ZMYM2: variants seen among roughly 807,000 people sequenced by gnomAD.
ZMYM2 encodes zinc finger MYM-type protein 2.
In ZMYM2, 56 loss-of-function variants were observed where a neutral mutation model predicts 162.8. The ratio of observed to expected loss-of-function variants is 0.34; its 90% CI spans 0.28 to 0.43. ZMYM2 has a LOEUF of 0.43. ZMYM2 is among the 20% of genes least tolerant of loss of function. ZMYM2 has a pLI of 1.00. For synonymous variants in ZMYM2, 510 were observed against 541.6 expected, an observed-to-expected ratio of 0.94 and a Z score of 0.81; for missense variants, 1,275 against 1,621.8, an observed-to-expected ratio of 0.79 and a Z score of 3.67.
the ZMYM2 span, among the ~76,000 whole-genome samples, chr13:19,911,044 C>CT: frequency 0.022 from 1,922 of 89,280 alleles, 75 homozygotes; most frequent in African/African-American, 0.048. Context: ...AGTTCCCAGT[C>CT]TTTTTTTTTT....
rs201629773 is a variant in ZMYM2 at position 19,993,227 on chromosome 13, C to T, written c.155C>T (p.Ser52Leu). Residue 52 changes from serine (S) to leucine (L), a missense_variant, in exon 3 of 25, where the codon TCG becomes TTG. Physicochemically the swap from Ser to Leu is moderately radical, Grantham distance 145 (BLOSUM62 -2). Coordinates refer to ENST00000610343, the MANE Select transcript of ZMYM2 (RefSeq NM_197968.4). ...LVSRSNKFQN[S>L]SVEDDDDVVF... The stretch of plus-strand genomic sequence containing the variant: ...TCTAGATCTAATAAGTTTCAGAACT[C>T]GTCAGTGGAAGATGATGATGATGTT... The T allele has an allele frequency of 2.7e-5, 44 of 1,613,810 alleles. No individual in the cohort carries two copies. The highest frequency in any genetic ancestry group is 2.0e-4 in the African/African-American group (15 of 74,898).
At chr13:19,937,953 A>G in the ZMYM2 span, among the ~76,000 whole-genome samples, 3 of 151,918 alleles carry the variant, frequency 2.0e-5, no homozygotes, top group African/African-American at 7.3e-5. Context: ...CCATGACCCT[A>G]CAAAGGACAT....
the ZMYM2 span, among the ~76,000 whole-genome samples, chr13:19,947,373 A>G: frequency 6.7e-6 from 1 of 150,230 alleles, no homozygotes; most frequent in East Asian, 2.0e-4. Context: ...TGTTTTAGGA[A>G]TAGAAGGAAG....
the ZMYM2 span, among the ~76,000 whole-genome samples, chr13:19,896,889 A>G: frequency 1.7e-4 from 26 of 150,038 alleles, 1 homozygote; most frequent in African/African-American, 6.2e-4. Context: ...CCTGACCAAC[A>G]TGGTGAAACC....
intron 21 of ZMYM2, among the ~76,000 whole-genome samples, chr13:20,078,101 G>C (rs1020169013): frequency 1.3e-5 from 2 of 151,998 alleles, no homozygotes; most frequent in East Asian, 1.9e-4. Flanking sequence ...ACAGACGTGA[G>C]CCCCACTGCA....
chr13:19,865,419 T>C, the ZMYM2 span, among the ~76,000 whole-genome samples: 2 of 152,220 alleles, frequency 1.3e-5, no homozygotes, highest in African/African-American at 4.8e-5. Flanking sequence ...CCTTTGCATA[T>C]TGCATAGTGC....
At chr13:19,971,260 ATATTTTT>A (rs1469055861) in intron 2 of ZMYM2, among the ~76,000 whole-genome samples, 21 of 103,076 alleles carry the variant, frequency 2.0e-4, no homozygotes, top group Admixed American at 9.1e-4. Context: ...ATATATATAT[ATATTTTT>A]TTTTTTTTTT....
intron 2 of ZMYM2, among the ~76,000 whole-genome samples, chr13:19,990,103 C>T (rs931178938): frequency 2.6e-5 from 4 of 152,214 alleles, no homozygotes; most frequent in Non-Finnish European, 5.9e-5. Context: ...TTGCTGGAAA[C>T]ATGGCAGTGT....
chr13:20,064,562 G>C lies in ZMYM2; in HGVS notation c.3132+17G>C, dbSNP rs776729305. The C allele has an allele frequency of 6.5e-7, 1 of 1,542,558 alleles. No individual in the cohort carries two copies. The highest frequency in any genetic ancestry group is 1.2e-5 in the South Asian group (1 of 81,806). On this transcript the variant is annotated intron_variant, in intron 19 of 24. Transcript: ENST00000610343. ...AAAAAAAAGGTACATTCACTTAATA[G>C]CCTATATAACAATATTTCTCTATAG...
intron 1 of ZMYM2, among the ~76,000 whole-genome samples, chr13:19,959,160 G>T (rs1465707166): frequency 2.7e-5 from 4 of 148,562 alleles, no homozygotes; most frequent in Admixed American, 6.7e-5. Context: ...AGCGGCGGGG[G>T]TCGCGGGGCC....
intron 2 of ZMYM2, among the ~76,000 whole-genome samples, chr13:19,975,634 G>A (rs1233304478): frequency 1.3e-5 from 2 of 152,102 alleles, no homozygotes; most frequent in Admixed American, 6.6e-5. Flanking sequence ...GATCATTGTT[G>A]TACAGGTATC....
chr13:20,034,520 GT>G, intron 11 of ZMYM2, 116 bp downstream of exon 11: 1 of 1,011,456 alleles, frequency 9.9e-7, no homozygotes, highest in Non-Finnish European at 1.3e-6. Context: ...AAAAAATTGA[GT>G]TTACGTTTCT....
chr13:20,004,296 C>T lies in ZMYM2; in HGVS notation c.1134-778C>T, dbSNP rs1171853013. 6.6e-5 allele frequency among the ~76,000 whole-genome samples: 10 copies of T among 152,106 alleles called. No homozygotes were observed. In the East Asian group the frequency reaches 1.6e-3, roughly 24 times the overall value. ...TTGAGACGGATTCTCGCTCTGTCGC[C>T]CTGGCTGGAGTGCAGTGGCGCTGAT... is the stretch of plus-strand genomic sequence containing the variant. On this transcript the variant is annotated intron_variant, in intron 4 of 24. Coordinates refer to ENST00000610343, the MANE Select transcript of ZMYM2 (RefSeq NM_197968.4).
the ZMYM2 span, among the ~76,000 whole-genome samples, chr13:19,926,330 G>T: frequency 3.3e-5 from 5 of 150,784 alleles, no homozygotes; most frequent in Non-Finnish European, 4.4e-5. Context: ...TGTTTTTTGC[G>T]GGGGTGAGTG....
intron 12 of ZMYM2, among the ~76,000 whole-genome samples, chr13:20,050,578 G>A (rs1056113739): frequency 4.6e-5 from 7 of 151,800 alleles, no homozygotes; most frequent in Non-Finnish European, 8.8e-5. Context: ...AAATTACATC[G>A]TTTTTCTGTA....
intron 21 of ZMYM2, among the ~76,000 whole-genome samples, chr13:20,078,367 T>C (rs9506425): frequency 0.027 from 4,164 of 152,296 alleles, 123 homozygotes; most frequent in East Asian, 0.13. Context: ...GAATGTCTTA[T>C]ATTCCCAATA....
intron 7 of ZMYM2, 62 bp from the exon 8 acceptor site, chr13:20,026,550 G>T (rs1952599150): frequency 1.3e-6 from 2 of 1,486,952 alleles, no homozygotes; most frequent in Non-Finnish European, 1.8e-6. Context: ...ATGAAAAATT[G>T]GTAATTCTTT....
the ZMYM2 span, among the ~76,000 whole-genome samples, chr13:19,926,312 G>A: frequency 6.6e-6 from 1 of 150,948 alleles, no homozygotes; most frequent in Admixed American, 6.6e-5. Flanking sequence ...AAACAATAAA[G>A]GATGTATTGT....
chr13:19,938,718 T>C, the ZMYM2 span, among the ~76,000 whole-genome samples: 8 of 151,396 alleles, frequency 5.3e-5, no homozygotes, highest in Non-Finnish European at 1.2e-4. Context: ...GATCCCAAAA[T>C]AGACCTTTTT....
Sources: allele counts gnomAD v4.1 joint callset (sites outside exome capture counted in the v4.1 genomes callset), GRCh38; gene constraint gnomAD v4.1.1; transcripts MANE v1.5; gene names NCBI Gene and HGNC (gene_info 2026-07-23, HGNC 2026-07-21).